Variants in HMBOX1 observed in about 807,000 individuals in gnomAD.
The protein encoded by HMBOX1 is homeobox-containing protein 1.
A neutral mutation model predicts 54.5 loss-of-function variants in HMBOX1; 14 were observed. The ratio of observed to expected loss-of-function variants is 0.26; its 90% CI spans 0.17 to 0.40. The LOEUF is 0.40. Ranked by LOEUF, HMBOX1 falls within the 10% of genes least tolerant of loss-of-function variation. The pLI is 1.00. For synonymous variants in HMBOX1, 160 were observed against 181.0 expected (o/e 0.88, Z 0.93); for missense variants, 332 against 514.4 (o/e 0.65, Z 3.43).
intron 1 of HMBOX1, among the ~76,000 whole-genome samples, chr8:28,935,554 T>G (rs930851748): frequency 1.3e-5 from 2 of 152,178 alleles, no homozygotes; most frequent in Admixed American, 6.5e-5. Flanking sequence ...TTGAGTAGAT[T>G]ATAGTCCTAA....
At chr8:28,929,928 C>G (rs1819192855) in intron 1 of HMBOX1, among the ~76,000 whole-genome samples, 1 of 144,938 alleles carries the variant, frequency 6.9e-6, no homozygotes, top group Non-Finnish European at 1.5e-5. Flanking sequence ...AACACCCCGC[C>G]CCCCGCCCGC....
chr8:28,943,531 A>G (rs1398614631), intron 1 of HMBOX1, among the ~76,000 whole-genome samples: 1 of 152,142 alleles, frequency 6.6e-6, no homozygotes, highest in African/African-American at 2.4e-5. Flanking sequence ...TCACATGGAA[A>G]TGTTATCTTC....
At chr8:28,981,445 G>A (rs1408279592) in intron 4 of HMBOX1, among the ~76,000 whole-genome samples, 4 of 152,154 alleles carry the variant, frequency 2.6e-5, no homozygotes, top group Admixed American at 2.0e-4. Flanking sequence ...GCAATGTAAG[G>A]ACAAGTCAAG....
At chr8:29,020,756 C>T (rs1487684562) in intron 6 of HMBOX1, among the ~76,000 whole-genome samples, 1 of 152,076 alleles carries the variant, frequency 6.6e-6, no homozygotes, top group Non-Finnish European at 1.5e-5. Flanking sequence ...TTTTGTTATC[C>T]AAAATGACAT....
At chr8:28,965,972 C>CT (rs1344383949) in intron 2 of HMBOX1, among the ~76,000 whole-genome samples, 2 of 151,834 alleles carry the variant, frequency 1.3e-5, no homozygotes, top group Non-Finnish European at 2.9e-5. Context: ...CCTATTTTGC[C>CT]TAGTCATTCT....
In HMBOX1 at chr8:28,991,727, C is replaced by T. The variant is rs76855429; in HGVS notation, c.586+11571C>T. Among the ~76,000 whole-genome samples, 867 of 152,204 alleles carry T rather than the reference C, an allele frequency of 5.7e-3. 4 individuals carry two copies. The highest frequency in any genetic ancestry group is 0.02 in the African/African-American group (842 of 41,516). On this transcript the variant is annotated intron_variant, in intron 4 of 9. Transcript: ENST00000287701. Reference sequence around the variant, plus strand: ...AAACATATTGTCTTTTGCTTCCAAGCCCTTCCATTGCTGAACAGTTTTTGT... The same window carrying T: ...AAACATATTGTCTTTTGCTTCCAAGTCCTTCCATTGCTGAACAGTTTTTGT...
chr8:28,999,304 A>C (rs1291053710), intron 4 of HMBOX1, among the ~76,000 whole-genome samples: 1 of 152,074 alleles, frequency 6.6e-6, no homozygotes, highest in Non-Finnish European at 1.5e-5. Flanking sequence ...TTCTCTCTTG[A>C]CACTTCAAGA....
intron 8 of HMBOX1, chr8:29,048,412 T>C (rs527997814): frequency 2.2e-4 from 34 of 152,288 alleles, no homozygotes; most frequent in African/African-American, 7.9e-4. Context: ...AATAAAGGAT[T>C]TGTTCCCATT....
At chr8:29,002,358 G>A (rs1438387383) in intron 4 of HMBOX1, among the ~76,000 whole-genome samples, 1 of 152,160 alleles carries the variant, frequency 6.6e-6, no homozygotes, top group Non-Finnish European at 1.5e-5. Flanking sequence ...AAGGTGTAAT[G>A]TCTTTTATGA....
At chr8:28,947,105 A>T (rs1822604005) in intron 1 of HMBOX1, among the ~76,000 whole-genome samples, 1 of 152,220 alleles carries the variant, frequency 6.6e-6, no homozygotes, top group South Asian at 2.1e-4. Context: ...TGTAAGAAAG[A>T]TGTATGTTCC....
At chr8:29,045,851 C>A (rs1805493895) in intron 7 of HMBOX1, among the ~76,000 whole-genome samples, 1 of 151,940 alleles carries the variant, frequency 6.6e-6, no homozygotes, top group African/African-American at 2.4e-5. Flanking sequence ...TTGTAAAATG[C>A]TATATTTCTC....
At chr8:29,019,986 C>A (rs548029927) in intron 6 of HMBOX1, among the ~76,000 whole-genome samples, 14 of 152,334 alleles carry the variant, frequency 9.2e-5, no homozygotes, top group Middle Eastern at 3.4e-3. Context: ...ATGTTGTCAT[C>A]TATTCCTTTC....
intron 1 of HMBOX1, among the ~76,000 whole-genome samples, chr8:28,963,164 A>G (rs1825895671): frequency 6.6e-6 from 1 of 151,898 alleles, no homozygotes; most frequent in Non-Finnish European, 1.5e-5. Context: ...TTGTATTTTT[A>G]GTACAGTTGG....
At chr8:28,973,812 T>TTGTTTTTTTTTTG (rs1827876662) in intron 3 of HMBOX1, among the ~76,000 whole-genome samples, 1 of 26,060 alleles carries the variant, frequency 3.8e-5, no homozygotes, top group African/African-American at 1.3e-4. Context: ...AGTTTTTTTT[T>TTGTTTTTTTTTTG]TTTTTTTTTT....
At chr8:29,023,229 A>G (rs1380458901) in intron 6 of HMBOX1, among the ~76,000 whole-genome samples, 28 of 152,226 alleles carry the variant, frequency 1.8e-4, no homozygotes, top group Admixed American at 1.8e-3. Flanking sequence ...AAAGATTTAA[A>G]TAAAATACTG....
chr8:29,044,992 A>T (rs1399159530), intron 6 of HMBOX1, among the ~76,000 whole-genome samples: 1 of 151,890 alleles, frequency 6.6e-6, no homozygotes, highest in Admixed American at 6.6e-5. Context: ...AGTCACACAT[A>T]TCAAAAATAA....
intron 4 of HMBOX1, among the ~76,000 whole-genome samples, chr8:29,004,532 T>A (rs192213512): frequency 6.6e-6 from 1 of 152,300 alleles, no homozygotes; most frequent in Admixed American, 6.5e-5. Context: ...GAGGAACAGG[T>A]AGCCTGATGC....
intron 6 of HMBOX1, among the ~76,000 whole-genome samples, chr8:29,033,750 C>T (rs941851632): frequency 2.0e-5 from 3 of 152,178 alleles, no homozygotes; most frequent in Non-Finnish European, 4.4e-5. Context: ...CCACGTTCCT[C>T]ATACAATGTT....
At chr8:28,941,050 G>T (rs1821314885) in intron 1 of HMBOX1, among the ~76,000 whole-genome samples, 1 of 151,990 alleles carries the variant, frequency 6.6e-6, no homozygotes, top group Admixed American at 6.6e-5. Context: ...TCATTGTTTA[G>T]AGTAGTGAAT....
Sources: allele counts gnomAD v4.1 joint callset (sites outside exome capture counted in the v4.1 genomes callset), GRCh38; gene constraint gnomAD v4.1.1; transcripts MANE v1.5; gene names NCBI Gene and HGNC (gene_info 2026-07-23, HGNC 2026-07-21).